Variants in ARNT2 observed in about 807,000 individuals in gnomAD.
The protein encoded by ARNT2 is aryl hydrocarbon receptor nuclear translocator 2, also known as ARNT protein 2.
ARNT2 carries 36 observed loss-of-function variants against 91.7 expected under a neutral mutation model. That is an observed-to-expected ratio of 0.39 (90% confidence interval 0.30 to 0.52). The LOEUF is 0.52. Among genes scored for constraint, ARNT2 ranks in the 20% least tolerant of loss-of-function variants. The pLI is 0.72. For missense variants in ARNT2, 775 were observed against 939.3 expected (o/e 0.83, Z 2.29); for synonymous variants, 365 against 347.1 (o/e 1.05, Z -0.57).
At chr15:80,441,121 G>T in intron 1 of ARNT2, 1 of 737,304 alleles carries the variant, frequency 1.4e-6, no homozygotes. Context: ...CCAAGTAACC[G>T]ATTTTTCAGA....
chr15:80,593,012 G>C (rs1893307917), intron 18 of ARNT2, among the ~76,000 whole-genome samples: 1 of 152,168 alleles, frequency 6.6e-6, no homozygotes. Context: ...AGTATCACAT[G>C]GGCTGAGAAT....
intron 3 of ARNT2, among the ~76,000 whole-genome samples, chr15:80,468,193 T>A (rs1160232846): frequency 6.6e-6 from 1 of 152,084 alleles, no homozygotes; most frequent in Non-Finnish European, 1.5e-5. Flanking sequence ...TCCAGTGGGT[T>A]GGCTGCAGAG....
chr15:80,485,464 G>A lies in ARNT2; in HGVS notation c.622+10241G>A, dbSNP rs74029809. Among the ~76,000 whole-genome samples the A allele has an allele frequency of 5.3e-3, 814 of 152,328 alleles. 6 individuals are homozygous for A. The highest frequency in any genetic ancestry group is 0.018 in the African/African-American group (760 of 41,566). On this transcript the variant is annotated intron_variant, in intron 5 of 18. Transcript: ENST00000303329. Reference sequence around the variant, plus strand: ...AAACCCATGTGGCCTGGCTCTTGTGGAGTTTACAGTTCAGTGGGGAAAAGA... The same window carrying A: ...AAACCCATGTGGCCTGGCTCTTGTGAAGTTTACAGTTCAGTGGGGAAAAGA...
intron 5 of ARNT2, among the ~76,000 whole-genome samples, chr15:80,507,833 G>T (rs1897294778): frequency 6.6e-6 from 1 of 152,234 alleles, no homozygotes; most frequent in Admixed American, 6.5e-5. Context: ...CAGTAAGGAA[G>T]TTGGTGACCT....
chr15:80,431,793 G>A (rs1372037038), intron 1 of ARNT2, among the ~76,000 whole-genome samples: 1 of 152,198 alleles, frequency 6.6e-6, no homozygotes, highest in Non-Finnish European at 1.5e-5. Flanking sequence ...GGTGCTGAGG[G>A]TGGGCTTTGT....
chr15:80,583,163 C>T (rs1431765450), intron 17 of ARNT2, among the ~76,000 whole-genome samples: 1 of 152,228 alleles, frequency 6.6e-6, no homozygotes, highest in Non-Finnish European at 1.5e-5. Flanking sequence ...GGACAGTCTG[C>T]AGGTGCGGCA....
At position 80,470,433 on chromosome 15, in the gene ARNT2, T is replaced by TACCCTGGTCATCACATCACCATTGG; in HGVS notation, c.408+4_408+28dup. 1.2e-6 allele frequency: 2 copies of TACCCTGGTCATCACATCACCATTGG among 1,613,838 alleles called. No individual in the cohort carries two copies. Among genetic ancestry groups the TACCCTGGTCATCACATCACCATTGG allele is most frequent in the African/African-American group, 2.7e-5 (2 of 75,022 alleles). ...AAGCCTTCCTTCCTCACAGAGCAGG[T>TACCCTGGTCATCACATCACCATTGG]ACCCTGGTCATCACATCACCATTGG... On this transcript the variant is annotated splice_region_variant and intron_variant, in intron 4 of 18. Transcript: ENST00000303329.
At chr15:80,432,341 A>G (rs1167095343) in intron 1 of ARNT2, among the ~76,000 whole-genome samples, 1 of 152,206 alleles carries the variant, frequency 6.6e-6, no homozygotes, top group Non-Finnish European at 1.5e-5. Flanking sequence ...ATTATGGCCA[A>G]TGGGCTGCAT....
intron 1 of ARNT2, among the ~76,000 whole-genome samples, chr15:80,416,427 A>C (rs1044390569): frequency 1.3e-5 from 2 of 152,176 alleles, no homozygotes; most frequent in African/African-American, 4.8e-5. Context: ...ACGTAACTAC[A>C]ATTTATGACA....
At chr15:80,514,612 C>G (rs965207693) in intron 8 of ARNT2, among the ~76,000 whole-genome samples, 1 of 152,148 alleles carries the variant, frequency 6.6e-6, no homozygotes, top group Non-Finnish European at 1.5e-5. Context: ...TGCAACCAGA[C>G]GCAGTGGCTC....
In ARNT2 at chr15:80,502,624, G is replaced by A. The variant is rs151018346; in HGVS notation, c.623-5532G>A. Among the ~76,000 whole-genome samples, 21 of 152,298 alleles carry A rather than the reference G, an allele frequency of 1.4e-4. No homozygotes were observed. The East Asian group carries it at 3.9e-3, about 28-fold the overall frequency. On this transcript the variant is annotated intron_variant, in intron 5 of 18. Transcript: ENST00000303329. ...ACAGCAAGACTACCTTTGACCCCAT[G>A]CCATGTGGGACATGGGAGCATGAGC...
chr15:80,580,788 A>T (rs1443719781), intron 16 of ARNT2, among the ~76,000 whole-genome samples: 2 of 152,176 alleles, frequency 1.3e-5, no homozygotes, highest in African/African-American at 4.8e-5. Context: ...GGCAGCTGGC[A>T]GGGAAAGGTT....
chr15:80,575,823 G>A (rs1036772645), intron 14 of ARNT2, among the ~76,000 whole-genome samples: 2 of 152,218 alleles, frequency 1.3e-5, no homozygotes, highest in Non-Finnish European at 2.9e-5. Flanking sequence ...GGGTGAGGGT[G>A]GCCAGGGGTA....
Position 80,503,476 on chromosome 15 carries a change from C to T in ARNT2, c.623-4680C>T, listed in dbSNP as rs895815629. ...CTGTTGTCTCTCAAGGTCATGACAA[C>T]AGATCATGGAAGTGTGTTTTTTCAT... On this transcript the variant is annotated intron_variant, in intron 5 of 18. Transcript: ENST00000303329. Among the ~76,000 whole-genome samples the T allele has an allele frequency of 4.6e-5, 7 of 152,184 alleles. No homozygotes were observed. In the East Asian group the frequency reaches 1.3e-3, roughly 29 times the overall value.
intron 1 of ARNT2, among the ~76,000 whole-genome samples, chr15:80,405,512 A>G (rs891306174): frequency 3.3e-5 from 5 of 152,168 alleles, no homozygotes; most frequent in Admixed American, 3.3e-4. Flanking sequence ...AGGAACAGCA[A>G]TGCCTAGCAA....
chr15:80,463,760 T>A (rs12148720), intron 3 of ARNT2, among the ~76,000 whole-genome samples: 113,173 of 151,806 alleles, frequency 0.75, 42,364 homozygotes, highest in East Asian at 0.82. Context: ...TTGTATTTTT[T>A]GTAGAGACAG....
Position 80,591,442 on chromosome 15 carries a change from T to G in ARNT2, c.1919-126T>G, listed in dbSNP as rs1596028835. On this transcript the variant is annotated intron_variant, in intron 17 of 18. Transcript: ENST00000303329. The surrounding 1 kb of genome is among the most constrained non-coding windows in gnomAD (Gnocchi z 5.1). ...GAGAAAGACGAGGATAGCAAACACA[T>G]TCCGCCAGCTCTGGATGGAACGTGC... 3.2e-6 allele frequency: 4 copies of G among 1,232,860 alleles called. No individual in the cohort carries two copies. The East Asian group carries it at 9.4e-5, about 29-fold the overall frequency. The allele number at this position is 1,232,860 out of a possible 1,614,324, so 76.4% of individuals were successfully genotyped here.
At chr15:80,430,622 A>G (rs1211196160) in intron 1 of ARNT2, among the ~76,000 whole-genome samples, 3 of 151,802 alleles carry the variant, frequency 2.0e-5, no homozygotes, top group Non-Finnish European at 4.4e-5. Flanking sequence ...TTGCACTCTC[A>G]CTCTCCTGTC....
At chr15:80,468,032 T>C (rs933049279) in intron 3 of ARNT2, among the ~76,000 whole-genome samples, 3 of 152,150 alleles carry the variant, frequency 2.0e-5, no homozygotes, top group African/African-American at 7.2e-5. Flanking sequence ...CAACCCATTC[T>C]TCTCTGGTTA....
Sources: gnomAD v4.1 joint callset for allele counts (sites outside exome capture counted in the v4.1 genomes callset) on GRCh38, gnomAD v4.1.1 for gene constraint, Gnocchi (gnomAD v3.1) non-coding constraint, MANE v1.5 for transcripts, NCBI Gene and HGNC (gene_info 2026-07-23, HGNC 2026-07-21) for gene names.